OOSP2: variants seen among roughly 807,000 people sequenced by gnomAD.
OOSP2 encodes the protein oocyte secreted protein 2.
Under a neutral mutation model 13.4 loss-of-function variants are expected in OOSP2, and 7 were observed. That is an observed-to-expected ratio of 0.52 (90% confidence interval 0.30 to 0.98). OOSP2 has a LOEUF of 0.98. OOSP2 is among the 50% of genes least tolerant of loss of function. The probability of loss-of-function intolerance (pLI) is 0.07; values close to 1 mark genes in which losing one functional copy is unlikely to be tolerated. For missense variants in OOSP2, 184 were observed against 188.5 expected, an observed-to-expected ratio of 0.98 and a Z score of 0.14; for synonymous variants, 75 against 67.2, an observed-to-expected ratio of 1.12 and a Z score of -0.57.
rs181332099 is a variant in OOSP2, at chr11:60,045,198, A to T, written c.347+424A>T. Among the ~76,000 whole-genome samples, 28 of 152,250 alleles carry T rather than the reference A, an allele frequency of 1.8e-4. No individual in the cohort carries two copies. In the East Asian group the frequency reaches 4.4e-3, roughly 24 times the overall value. The stretch of plus-strand genomic sequence containing the variant: ...TATAAGAGTAAGTGGCTAAAAACAT[A>T]AGAAAATCAGTCCTTCATTTAATAC... On this transcript the variant is annotated intron_variant, in intron 3 of 3. Coordinates refer to ENST00000278855, the MANE Select transcript of OOSP2 (RefSeq NM_173801.5).
At chr11:60,042,015 A>G (rs901478854) in intron 1 of OOSP2, among the ~76,000 whole-genome samples, 1 of 151,712 alleles carries the variant, frequency 6.6e-6, no homozygotes, top group Non-Finnish European at 1.5e-5. Context: ...GCTACTCGGG[A>G]GGCTGAGGCA....
At chr11:60,042,048 G>T (rs1393842320) in intron 1 of OOSP2, among the ~76,000 whole-genome samples, 1 of 152,044 alleles carries the variant, frequency 6.6e-6, no homozygotes, top group East Asian at 1.9e-4. Flanking sequence ...GAACCTGGGA[G>T]GCGGAGCTTG....
Position 60,040,567 on chromosome 11 carries a change from CATA to C in OOSP2, c.64+47_64+49del, listed in dbSNP as rs756225065. On this transcript the variant is annotated intron_variant, in intron 1 of 3. Coordinates refer to ENST00000278855, the MANE Select transcript of OOSP2 (RefSeq NM_173801.5). ...AGAATGCTTCCTCGAAGGAGTTAAT[CATA>C]ATGATCGCTTTCCATGCAGGTGTTT... 5.7e-6 allele frequency: 6 copies of C among 1,058,494 alleles called. No homozygotes were observed. The East Asian group carries it at 1.4e-4, about 25-fold the overall frequency. 65.6% of individuals were successfully genotyped at this position (1,058,494 alleles called of 1,614,324 possible).
chr11:60,041,714 A>G (rs888791511), intron 1 of OOSP2, among the ~76,000 whole-genome samples: 10 of 151,872 alleles, frequency 6.6e-5, no homozygotes, highest in African/African-American at 2.4e-4. Flanking sequence ...AGCCTTGTGT[A>G]GTGGTGGGCG....
chr11:60,043,329 A>G (rs1854962399), intron 1 of OOSP2, 140 bp from the exon 2 acceptor site: 1 of 494,178 alleles, frequency 2.0e-6, no homozygotes, highest in Non-Finnish European at 3.7e-6. Context: ...AATGTTTGTA[A>G]GAAAACCTTT....
intron 1 of OOSP2, among the ~76,000 whole-genome samples, chr11:60,042,638 A>C (rs1854950829): frequency 6.6e-6 from 1 of 152,214 alleles, no homozygotes; most frequent in African/African-American, 2.4e-5. Context: ...GCATGGAGCT[A>C]ACATCCCAAA....
At chr11:60,043,773 A>C in intron 2 of OOSP2, 126 bp downstream of exon 2, 1 of 561,078 alleles carries the variant, frequency 1.8e-6, no homozygotes, top group South Asian at 2.8e-5. Context: ...GCAGGGGACA[A>C]CGGAATTTAT....
intron 1 of OOSP2, among the ~76,000 whole-genome samples, chr11:60,041,872 C>CAAAAAAAAAAAA (rs1390816690): frequency 7.1e-5 from 6 of 84,840 alleles, no homozygotes; most frequent in African/African-American, 2.0e-4. Context: ...AAAAAAAAAG[C>CAAAAAAAAAAAA]AAAACTCCGT....
intron 1 of OOSP2, among the ~76,000 whole-genome samples, chr11:60,042,821 T>TTA (rs1163679755): frequency 6.6e-6 from 1 of 152,190 alleles, no homozygotes; most frequent in Non-Finnish European, 1.5e-5. Flanking sequence ...CTTCTGCCCC[T>TTA]TATGTTTTGT....
intron 1 of OOSP2, 84 bp downstream of exon 1, chr11:60,040,607 G>T (rs2134637362): frequency 1.2e-6 from 1 of 800,416 alleles, no homozygotes; most frequent in Non-Finnish European, 2.2e-6. Context: ...ACTCCCTGAA[G>T]AAATCTGATC....
chr11:60,045,913 C>G (rs1855001050), intron 3 of OOSP2, among the ~76,000 whole-genome samples: 1 of 151,844 alleles, frequency 6.6e-6, no homozygotes, highest in Admixed American at 6.6e-5. Flanking sequence ...CCCCTTGATT[C>G]TCTGTCTCTA....
At position 60,044,770 on chromosome 11, in the gene OOSP2, T is replaced by A; in HGVS notation, c.343T>A (p.Ser115Thr). 1 of 1,462,870 alleles carries A rather than the reference T, an allele frequency of 6.8e-7. No homozygotes were observed. The highest frequency in any genetic ancestry group is 9.6e-7 in the Non-Finnish European group (1 of 1,044,928). 90.6% of individuals were successfully genotyped at this position (1,462,870 alleles called of 1,614,324 possible). Residue 115 changes from serine (S) to threonine (T), a missense_variant, in exon 3 of 4, where the codon TCT (serine) becomes ACT (threonine). By Grantham distance (58) the Ser-to-Thr change is moderately conservative. Transcript: ENST00000278855. Reference protein sequence around the residue: ...PQEIHLECSTSRKSVWLTPVS... With the variant: ...PQEIHLECSTTRKSVWLTPVS... ...GGAAATCCATTTGGAGTGTTCCACC[T>A]CTAGGTAAGTCCAGCAGATTTGATT...
intron 1 of OOSP2, among the ~76,000 whole-genome samples, chr11:60,042,625 C>T (rs1398383065): frequency 6.6e-6 from 1 of 152,132 alleles, no homozygotes; most frequent in African/African-American, 2.4e-5. Context: ...TACAACAAAA[C>T]GTGCATGGAG....
chr11:60,047,085 A>G lies in OOSP2; in HGVS notation c.*12A>G. The stretch of plus-strand genomic sequence containing the variant: ...CAAACTTGCTCTGAGCTAAAGGAGA[A>G]ATGGAAACTTGAAGCTGGTGTTATG... On this transcript the variant is annotated 3_prime_UTR_variant, in exon 4 of 4. Transcript: ENST00000278855. 6.3e-7 allele frequency: 1 copy of G among 1,585,476 alleles called. No individual in the cohort carries two copies. The highest frequency in any genetic ancestry group is 1.2e-5 in the South Asian group (1 of 86,068).
Position 60,044,654 on chromosome 11 carries a change from A to G in OOSP2, c.244-17A>G. The G allele has an allele frequency of 8.4e-7, 1 of 1,190,870 alleles. No individual in the cohort carries two copies. The highest frequency in any genetic ancestry group is 1.2e-6 in the Non-Finnish European group (1 of 800,146). 73.8% of individuals were successfully genotyped at this position (1,190,870 alleles called of 1,614,324 possible). A position where few individuals can be genotyped will look rare whatever the true frequency, so the allele number is the denominator to read the frequency against. On this transcript the variant is annotated splice_polypyrimidine_tract_variant and intron_variant, in intron 2 of 3. Coordinates refer to ENST00000278855, the MANE Select transcript of OOSP2 (RefSeq NM_173801.5). The stretch of plus-strand genomic sequence containing the variant: ...GTTACTCCAAATATCTTCCACTGAA[A>G]CTTCATGCTCTCCTAGGTAGTTTCT...
At chr11:60,041,388 A>G (rs537132501) in intron 1 of OOSP2, among the ~76,000 whole-genome samples, 1 of 152,294 alleles carries the variant, frequency 6.6e-6, no homozygotes, top group African/African-American at 2.4e-5. Flanking sequence ...TGAACAGCAC[A>G]TGGAGAGAAA....
chr11:60,042,342 C>T (rs373097897), intron 1 of OOSP2, among the ~76,000 whole-genome samples: 22 of 152,282 alleles, frequency 1.4e-4, no homozygotes, highest in African/African-American at 1.4e-4. Flanking sequence ...CGTAGAGAGA[C>T]GTGATTTAAA....
At chr11:60,044,498 T>C (rs181012027) in intron 2 of OOSP2, among the ~76,000 whole-genome samples, 173 bp from the exon 3 acceptor site, 33 of 152,364 alleles carry the variant, frequency 2.2e-4, no homozygotes, top group Admixed American at 1.9e-3. Context: ...TTAAATTCAC[T>C]CTTAGGGATA....
At chr11:60,045,668 GAAAATGTACAAATCTTTTAATTTTGGT>G (rs1854998967) in intron 3 of OOSP2, among the ~76,000 whole-genome samples, 3 of 151,854 alleles carry the variant, frequency 2.0e-5, no homozygotes, top group Middle Eastern at 3.4e-3. Flanking sequence ...TTAATTTTGG[GAAAATGTACAAATCTTTTAATTTTGGT>G]AAAATGTACA....
Sources: allele counts gnomAD v4.1 joint callset (sites outside exome capture counted in the v4.1 genomes callset), GRCh38; gene constraint gnomAD v4.1.1; transcripts MANE v1.5; gene names NCBI Gene and HGNC (gene_info 2026-07-23, HGNC 2026-07-21).